The following TM7SF2 variants were observed in gnomAD, a reference collection of about 807,000 sequenced individuals.
TM7SF2 encodes the protein delta(14)-sterol reductase TM7SF2.
TM7SF2 carries 51 observed loss-of-function variants against 51.0 expected under a neutral mutation model. The ratio of observed to expected loss-of-function variants is 1.00; its 90% CI spans 0.80 to 1.26. The LOEUF is 1.26. TM7SF2 is among the 50% of genes most tolerant of loss of function. The probability of loss-of-function intolerance (pLI) is 0.00; values close to 1 mark genes in which losing one functional copy is unlikely to be tolerated. For synonymous variants in TM7SF2, 255 were observed against 241.0 expected (o/e 1.06, Z -0.54); for missense variants, 541 against 547.4 (o/e 0.99, Z 0.12).
rs751397747 is a variant in TM7SF2 at position 65,113,556 on chromosome 11, A to G, written c.565A>G (p.Lys189Glu). The change falls in exon 5 of 10, where the codon AAA becomes GAA. Residue 189 changes from lysine (K) to glutamate (E), a missense_variant. Lys to Glu is a moderately conservative substitution (Grantham distance 56). Transcript: ENST00000279263. The part of the protein sequence containing the change: ...LNPRICFFDF[K>E]YFCELRPGLI... ...CCCTCGTATCTGTTTCTTCGACTTC[A>G]AATATTTCTGTGAACTGCGACCCGG... 1.2e-6 allele frequency: 2 copies of G among 1,614,174 alleles called. No homozygotes were observed. The highest frequency in any genetic ancestry group is 8.5e-7 in the Non-Finnish European group (1 of 1,180,032).
At chr11:65,114,670 C>T in intron 5 of TM7SF2, 43 bp from the exon 6 acceptor site, 1 of 1,600,856 alleles carries the variant, frequency 6.2e-7, no homozygotes, top group Middle Eastern at 1.7e-4. Flanking sequence ...CTGCCCAAGG[C>T]TGCCACTTCT....
At chr11:65,113,060 C>A in intron 3 of TM7SF2, 160 bp from the exon 4 acceptor site, 1 of 1,038,356 alleles carries the variant, frequency 9.6e-7, no homozygotes, top group Non-Finnish European at 1.4e-6. Flanking sequence ...CTACTCCGTG[C>A]ACCACAGCAG....
In TM7SF2 at chr11:65,115,953, G is replaced by C. The variant is rs769961279; in HGVS notation, c.1157G>C (p.Arg386Pro). The stretch of plus-strand genomic sequence containing the variant: ...TACTTCACCGCGCTGCTGGTGCACC[G>C]TGAGGCCCGGGATGAGCGGCAGTGC... Reference protein sequence around the residue: ...LLYFTALLVHREARDERQCLQ... With the variant: ...LLYFTALLVHPEARDERQCLQ... Residue 386 changes from arginine to proline, a missense_variant, in exon 10 of 10, where the codon CGT becomes CCT. Physicochemically the swap from Arg to Pro is moderately radical, Grantham distance 103. Transcript: ENST00000279263. 2 of 1,613,926 alleles carry C rather than the reference G, an allele frequency of 1.2e-6. No homozygotes were observed. Among genetic ancestry groups the C allele is most frequent in the South Asian group, 1.1e-5 (1 of 91,084 alleles).
At chr11:65,113,033 C>A (rs1590816223) in intron 3 of TM7SF2, 168 bp downstream of exon 3, 1 of 1,051,128 alleles carries the variant, frequency 9.5e-7, no homozygotes, top group Non-Finnish European at 1.4e-6. Context: ...GTCCCCACAG[C>A]CTTACCCCAT....
chr11:65,115,161 C>T (rs1947961107), intron 7 of TM7SF2, 80 bp downstream of exon 7: 1 of 1,591,818 alleles, frequency 6.3e-7, no homozygotes, highest in African/African-American at 1.3e-5. Context: ...CGCACCACCA[C>T]ATAGGTGCTA....
intron 1 of TM7SF2, 93 bp downstream of exon 1, chr11:65,112,160 G>A: frequency 7.5e-7 from 1 of 1,336,288 alleles, no homozygotes; most frequent in Non-Finnish European, 1.0e-6. Flanking sequence ...TCTGAGGATG[G>A]AAGGCTTTGG....
At position 65,113,337 on chromosome 11, in the gene TM7SF2, C is replaced by T. The variant is rs1427821990; in HGVS notation, c.422C>T (p.Ala141Val). 3.1e-6 allele frequency: 5 copies of T among 1,613,902 alleles called. No homozygotes were observed. In the East Asian group the frequency reaches 6.7e-5, roughly 22 times the overall value. The change falls in exon 4 of 10, where the codon GCT becomes GTT. Residue 141 changes from alanine to valine, a missense_variant. Physicochemically the swap from Ala to Val is moderately conservative, Grantham distance 64 (BLOSUM62 0). Coordinates refer to ENST00000279263, the MANE Select transcript of TM7SF2 (RefSeq NM_003273.6). ...TTGGCGTTTGTCGCCACCCTCACCG[C>T]TTTCATCTTCAGCCTCTTTCTCTAC... ...LPLAFVATLT[A>V]FIFSLFLYMK... is the part of the protein sequence containing the mutation.
Position 65,116,087 on chromosome 11 carries a change from C to T in TM7SF2, c.*34C>T. The T allele has an allele frequency of 6.3e-7, 1 of 1,588,770 alleles. No individual in the cohort carries two copies. The highest frequency in any genetic ancestry group is 8.5e-7 in the Non-Finnish European group (1 of 1,170,804). ...CACCACCCCAGGTGGGGGCATGTGC[C>T]CACTCATCCACCAGCACACCCAGGA... On this transcript the variant is annotated 3_prime_UTR_variant, in exon 10 of 10. Transcript: ENST00000279263.
intron 5 of TM7SF2, among the ~76,000 whole-genome samples, chr11:65,114,380 T>C (rs1035855231): frequency 3.3e-5 from 5 of 152,156 alleles, no homozygotes; most frequent in Admixed American, 3.3e-4. Context: ...CATTGAGTCA[T>C]GACAGGCCCA....
In TM7SF2 at chr11:65,113,373, A is replaced by AG; in HGVS notation, c.460dup (p.Val154GlyfsTer40). Reference sequence around the variant, plus strand: ...AGCCTCTTTCTCTACATGAAGGCGCAGGTAGCCCCAGTTTCGGCCCTGGCA... The same window carrying AG: ...AGCCTCTTTCTCTACATGAAGGCGCAGGGTAGCCCCAGTTTCGGCCCTGGCA... On this transcript the variant is annotated frameshift_variant, in exon 4 of 10. Coordinates refer to ENST00000279263, the MANE Select transcript of TM7SF2 (RefSeq NM_003273.6). LOFTEE classifies it high-confidence loss of function. 1 of 1,614,108 alleles carries AG rather than the reference A, an allele frequency of 6.2e-7. No homozygotes were observed. Among genetic ancestry groups the AG allele is most frequent in the Non-Finnish European group, 8.5e-7 (1 of 1,180,026 alleles).
At position 65,112,839 on chromosome 11, in the gene TM7SF2, A is replaced by G. The variant is rs984178225; in HGVS notation, c.278A>G (p.Lys93Arg). 5.2e-6 allele frequency: 8 copies of G among 1,550,628 alleles called. No homozygotes were observed. The highest frequency in any genetic ancestry group is 2.0e-5 in the Admixed American group (1 of 50,998). ...GCCGAGGGGCAGGAATTGAAGGACAAGAGTCGCCTGCGCTATCCTATTAAC... is the reference window on the plus strand; with the variant it reads ...GCCGAGGGGCAGGAATTGAAGGACAGGAGTCGCCTGCGCTATCCTATTAAC... Reference protein sequence around the residue: ...KVAEGQELKDKSRLRYPINGF... With the variant: ...KVAEGQELKDRSRLRYPINGF... Residue 93 changes from lysine (K) to arginine (R), a missense_variant, in exon 3 of 10, where the codon AAG (lysine) becomes AGG (arginine). Coordinates refer to ENST00000279263, the MANE Select transcript of TM7SF2 (RefSeq NM_003273.6).
intron 7 of TM7SF2, 116 bp downstream of exon 7, chr11:65,115,197 G>A: frequency 6.3e-7 from 1 of 1,588,914 alleles, no homozygotes; most frequent in Non-Finnish European, 8.6e-7. Context: ...TAAAGCCAGG[G>A]CAGGGTCCTG....
In TM7SF2 at chr11:65,115,177, C is replaced by T. The variant is rs964125905; in HGVS notation, c.892+96C>T. On this transcript the variant is annotated intron_variant, in intron 7 of 9. Coordinates refer to ENST00000279263, the MANE Select transcript of TM7SF2 (RefSeq NM_003273.6). The stretch of plus-strand genomic sequence containing the variant: ...GCACCACCACATAGGTGCTAACCCC[C>T]AGGGTTCTCTAAAGCCAGGGCAGGG... The T allele has an allele frequency of 5.6e-6, 9 of 1,595,062 alleles. No individual in the cohort carries two copies. In the Admixed American group the frequency reaches 6.7e-5, roughly 12 times the overall value.
Position 65,115,364 on chromosome 11 carries a change from C to T in TM7SF2, c.943C>T (p.Arg315Ter), listed in dbSNP as rs769493365. The T allele has an allele frequency of 5.6e-6, 9 of 1,614,066 alleles. No homozygotes were observed. The highest frequency in any genetic ancestry group is 4.5e-5 in the East Asian group (2 of 44,904). ...GGCGAATTCCCAGAAAAACACTTTC[C>T]GAAAGAATCCTTCTGACCCCAGAGT... ...RGANSQKNTF[R>*]KNPSDPRVAG... Residue 315 changes from arginine (R) to a stop codon, truncating the protein, a stop_gained, in exon 8 of 10, where the codon CGA (arginine) becomes TGA (stop). Transcript: ENST00000279263. LOFTEE classifies it high-confidence loss of function.
At chr11:65,114,223 A>G (rs1947947584) in intron 5 of TM7SF2, among the ~76,000 whole-genome samples, 1 of 152,206 alleles carries the variant, frequency 6.6e-6, no homozygotes, top group Non-Finnish European at 1.5e-5. Context: ...TCCTAAGATT[A>G]CTGGGAAGAT....
intron 1 of TM7SF2, 24 bp downstream of exon 1, chr11:65,112,091 C>A: frequency 6.3e-7 from 1 of 1,588,438 alleles, no homozygotes; most frequent in Non-Finnish European, 8.5e-7. Flanking sequence ...GAGATGGGAC[C>A]TGGGGCAAAG....
At chr11:65,114,168 G>C (rs1011647665) in intron 5 of TM7SF2, among the ~76,000 whole-genome samples, 1 of 152,198 alleles carries the variant, frequency 6.6e-6, no homozygotes, top group Non-Finnish European at 1.5e-5. Flanking sequence ...AGGCACATCT[G>C]AGGACACTTC....
Position 65,112,689 on chromosome 11 carries a change from T to C in TM7SF2, c.227T>C (p.Leu76Pro). ...WLAWLGLQAALYLLPARKVAE... is the reference protein window; with the variant it reads ...WLAWLGLQAAPYLLPARKVAE... ...GCCTGGCTCGGCCTGCAGGCGGCGC[T>C]CTACCTACTGCCGGCGCGCAAGGTG... The change falls in exon 2 of 10, where the codon CTC becomes CCC. Residue 76 changes from leucine to proline, a missense_variant. Leu to Pro is a moderately conservative substitution (Grantham distance 98). Transcript: ENST00000279263. The C allele has an allele frequency of 6.5e-7, 1 of 1,540,570 alleles. No homozygotes were observed. Among genetic ancestry groups the C allele is most frequent in the Non-Finnish European group, 8.7e-7 (1 of 1,144,840 alleles).
At position 65,115,493 on chromosome 11, in the gene TM7SF2, A is replaced by G. The variant is rs375652399; in HGVS notation, c.991A>G (p.Thr331Ala). Residue 331 changes from threonine to alanine, a missense_variant, in exon 9 of 10, where the codon ACA (threonine) becomes GCA (alanine). Physicochemically the swap from Thr to Ala is moderately conservative, Grantham distance 58. Transcript: ENST00000279263. ...PRVAGLETIS[T>A]ATGRKLLVSG... ...TTCCCCAGGGCTTGAGACCATCTCTACAGCCACAGGGCGGAAACTGCTGGT... is the reference window on the plus strand; with the variant it reads ...TTCCCCAGGGCTTGAGACCATCTCTGCAGCCACAGGGCGGAAACTGCTGGT... 5.6e-5 allele frequency: 90 copies of G among 1,613,826 alleles called. 2 individuals are homozygous for G. The South Asian group carries it at 8.1e-4, about 15-fold the overall frequency.
Sources: allele counts gnomAD v4.1 joint callset (sites outside exome capture counted in the v4.1 genomes callset), GRCh38; gene constraint gnomAD v4.1.1; transcripts MANE v1.5; gene names NCBI Gene and HGNC (gene_info 2026-07-23, HGNC 2026-07-21).